The following RPSA2 variants were observed in gnomAD, a reference collection of about 807,000 sequenced individuals.
RPSA2 encodes the protein ribosomal protein SA 2.
chr19:23,771,423 A>G, the RPSA2 span, among the ~76,000 whole-genome samples: 1 of 152,200 alleles, frequency 6.6e-6, no homozygotes, highest in Non-Finnish European at 1.5e-5. Flanking sequence ...TCATGTACTT[A>G]TACCCAACAT....
At chr19:23,781,065 A>G in the RPSA2 span, among the ~76,000 whole-genome samples, 122 of 152,172 alleles carry the variant, frequency 8.0e-4, no homozygotes, top group African/African-American at 2.9e-3. Context: ...ACCTCCACCT[A>G]CCAGGTTCAA....
the RPSA2 span, among the ~76,000 whole-genome samples, chr19:23,870,461 C>T: frequency 6.6e-6 from 1 of 152,106 alleles, no homozygotes; most frequent in Non-Finnish European, 1.5e-5. Flanking sequence ...ATCCATGGGA[C>T]CTTGTAAAAG....
At chr19:23,819,693 C>T in the RPSA2 span, among the ~76,000 whole-genome samples, 1,072 of 152,208 alleles carry the variant, frequency 7.0e-3, 13 homozygotes, top group African/African-American at 0.024. Context: ...TTAAATTGGC[C>T]GAACAAGATC....
chr19:23,854,750 C>A, the RPSA2 span, among the ~76,000 whole-genome samples: 1 of 152,146 alleles, frequency 6.6e-6, no homozygotes, highest in Non-Finnish European at 1.5e-5. Flanking sequence ...ATAGCAGGCT[C>A]CAAGAAAAGA....
At chr19:23,771,387 A>G in the RPSA2 span, among the ~76,000 whole-genome samples, 14 of 152,234 alleles carry the variant, frequency 9.2e-5, no homozygotes, top group Admixed American at 9.2e-4. Context: ...TTTCATACAC[A>G]AATCCAGACC....
chr19:23,840,946 C>G, the RPSA2 span, among the ~76,000 whole-genome samples: 3 of 107,832 alleles, frequency 2.8e-5, no homozygotes, highest in Admixed American at 1.1e-4. Flanking sequence ...TGGGTGAAAA[C>G]AACAAAACTC....
chr19:23,772,424 G>A, the RPSA2 span, among the ~76,000 whole-genome samples: 2 of 152,146 alleles, frequency 1.3e-5, no homozygotes, highest in Admixed American at 6.5e-5. Flanking sequence ...CTACCTACAG[G>A]TTAAATGGTG....
the RPSA2 span, among the ~76,000 whole-genome samples, chr19:23,809,797 T>TTGGGG: frequency 6.6e-6 from 1 of 152,214 alleles, no homozygotes; most frequent in Admixed American, 6.5e-5. Context: ...ACTTTTGGTC[T>TTGGGG]TCAATTTCAA....
At chr19:23,846,169 T>C in the RPSA2 span, among the ~76,000 whole-genome samples, 1 of 152,198 alleles carries the variant, frequency 6.6e-6, no homozygotes, top group African/African-American at 2.4e-5. Flanking sequence ...CTGTTTGTGT[T>C]AATATCTACC....
At chr19:23,778,892 AGTCCTACCCACAGAG>A in the RPSA2 span, among the ~76,000 whole-genome samples, 12 of 149,976 alleles carry the variant, frequency 8.0e-5, no homozygotes, top group Non-Finnish European at 5.9e-5. Context: ...GTTTTTCCTG[AGTCCTACCCACAGAG>A]GTCATTGCAA....
At chr19:23,779,032 G>C in the RPSA2 span, among the ~76,000 whole-genome samples, 4 of 112,460 alleles carry the variant, frequency 3.6e-5, no homozygotes, top group African/African-American at 1.4e-4. Context: ...ACGGAGTCTC[G>C]CTCTGTCGCC....
the RPSA2 span, among the ~76,000 whole-genome samples, chr19:23,856,638 C>T: frequency 6.6e-6 from 1 of 152,194 alleles, no homozygotes; most frequent in South Asian, 2.1e-4. Flanking sequence ...GGGAACTTGC[C>T]CCCAGTATTT....
At chr19:23,763,832 T>C in the RPSA2 span, among the ~76,000 whole-genome samples, 1 of 152,130 alleles carries the variant, frequency 6.6e-6, no homozygotes, top group Admixed American at 6.5e-5. Flanking sequence ...TGAGCCGTGA[T>C]TGGTGAAATG....
the RPSA2 span, among the ~76,000 whole-genome samples, chr19:23,860,079 T>C: frequency 6.6e-6 from 1 of 152,194 alleles, no homozygotes; most frequent in African/African-American, 2.4e-5. Context: ...TTGTCTTTTT[T>C]CAAGCTTAAA....
the RPSA2 span, among the ~76,000 whole-genome samples, chr19:23,780,099 C>T: frequency 6.6e-6 from 1 of 152,150 alleles, no homozygotes; most frequent in Non-Finnish European, 1.5e-5. Flanking sequence ...TACTGTCTCT[C>T]ACAGCTAGGC....
chr19:23,768,167 G>A, the RPSA2 span, among the ~76,000 whole-genome samples: 1 of 7,526 alleles, frequency 1.3e-4, no homozygotes, highest in African/African-American at 1.6e-4. Flanking sequence ...GAAAAATCTA[G>A]TGATATGTTT....
At chr19:23,808,400 G>T in the RPSA2 span, among the ~76,000 whole-genome samples, 4 of 150,736 alleles carry the variant, frequency 2.7e-5, no homozygotes, top group African/African-American at 9.8e-5. Context: ...CTAAGTAGCT[G>T]GGATTACAGG....
At chr19:23,789,087 G>A in the RPSA2 span, among the ~76,000 whole-genome samples, 21 of 136,826 alleles carry the variant, frequency 1.5e-4, no homozygotes, top group African/African-American at 5.5e-4. Context: ...TGCAACCTCC[G>A]CCTCTTGGGT....
the RPSA2 span, among the ~76,000 whole-genome samples, chr19:23,836,770 T>A: frequency 6.6e-6 from 1 of 152,206 alleles, no homozygotes; most frequent in Admixed American, 6.5e-5. Flanking sequence ...TCATTAGTGA[T>A]GTTGAGCATT....
Sources: allele counts gnomAD v4.1 joint callset (sites outside exome capture counted in the v4.1 genomes callset), GRCh38; gene constraint gnomAD v4.1.1; transcripts MANE v1.5; gene names NCBI Gene and HGNC (gene_info 2026-07-23, HGNC 2026-07-21).